The following NCAM2 variants were observed in gnomAD, a reference collection of about 807,000 sequenced individuals.
NCAM2 encodes the protein N-CAM-2.
NCAM2 carries 30 observed loss-of-function variants against 98.1 expected under a neutral mutation model. That is an observed-to-expected ratio of 0.31 (90% CI 0.23 to 0.41). NCAM2 has a LOEUF of 0.41. NCAM2 is among the 10% of genes least tolerant of loss of function. NCAM2 has a pLI of 1.00. For missense variants in NCAM2, 867 were observed against 1,005.8 expected (o/e 0.86, Z 1.87); for synonymous variants, 368 against 342.4 (o/e 1.07, Z -0.83).
chr21:21,316,451 GT>G (rs2074221639), intron 5 of NCAM2, among the ~76,000 whole-genome samples: 1 of 149,552 alleles, frequency 6.7e-6, no homozygotes, highest in African/African-American at 2.5e-5. Context: ...TTATTAAGAT[GT>G]TACAGTAAAA....
chr21:21,388,090 C>G (rs112189496), intron 9 of NCAM2, among the ~76,000 whole-genome samples: 2 of 152,134 alleles, frequency 1.3e-5, no homozygotes, highest in Non-Finnish European at 2.9e-5. Flanking sequence ...TATAACCAGG[C>G]TGAAGAGGCA....
intron 15 of NCAM2, among the ~76,000 whole-genome samples, chr21:21,480,316 G>A (rs1985739628): frequency 1.4e-5 from 2 of 143,414 alleles, no homozygotes; most frequent in African/African-American, 5.4e-5. Context: ...GCAGTGAGCC[G>A]AGATGGCGCC....
intron 1 of NCAM2, among the ~76,000 whole-genome samples, chr21:21,126,240 A>AAAAAG (rs2066820783): frequency 6.7e-6 from 1 of 150,048 alleles, no homozygotes; most frequent in South Asian, 2.1e-4. Context: ...GGAACATAAA[A>AAAAAG]AAAAAAAAAA....
chr21:21,172,629 C>T (rs1296609788), intron 1 of NCAM2, among the ~76,000 whole-genome samples: 5 of 152,238 alleles, frequency 3.3e-5, no homozygotes, highest in Non-Finnish European at 7.4e-5. Flanking sequence ...AAAAGTATTT[C>T]AGCCTTTAAC....
intron 1 of NCAM2, among the ~76,000 whole-genome samples, chr21:21,087,571 G>T (rs1054385926): frequency 1.3e-5 from 2 of 152,102 alleles, no homozygotes; most frequent in Non-Finnish European, 2.9e-5. Flanking sequence ...TCTGTAGCTT[G>T]CCCAAAACTC....
intron 9 of NCAM2, among the ~76,000 whole-genome samples, chr21:21,408,408 G>T (rs928738245): frequency 6.6e-6 from 1 of 151,974 alleles, no homozygotes; most frequent in African/African-American, 2.4e-5. Flanking sequence ...AAATAATAGT[G>T]CATTAAAAGT....
chr21:21,266,391 T>C (rs912234294), intron 1 of NCAM2, among the ~76,000 whole-genome samples: 1 of 152,082 alleles, frequency 6.6e-6, no homozygotes, highest in Non-Finnish European at 1.5e-5. Context: ...TCAGCAAAAA[T>C]TGCATTCTAA....
intron 8 of NCAM2, among the ~76,000 whole-genome samples, chr21:21,360,496 A>G (rs538319620): frequency 5.9e-5 from 9 of 152,150 alleles, no homozygotes; most frequent in Admixed American, 4.6e-4. Context: ...TGACAATAAT[A>G]TATCTACTTA....
intron 5 of NCAM2, among the ~76,000 whole-genome samples, chr21:21,302,019 G>A (rs9917502): frequency 0.73 from 100,557 of 138,034 alleles, 36,644 homozygotes; most frequent in South Asian, 0.81. Context: ...TGGTGGGACT[G>A]TAAACTAGTT....
chr21:21,353,270 TA>T (rs1200639785), intron 8 of NCAM2, among the ~76,000 whole-genome samples: 11 of 152,194 alleles, frequency 7.2e-5, no homozygotes, highest in African/African-American at 2.7e-4. Context: ...GAATACCATC[TA>T]AAAAATGACT....
intron 1 of NCAM2, among the ~76,000 whole-genome samples, chr21:21,268,646 G>A (rs2072380478): frequency 6.6e-6 from 1 of 152,108 alleles, no homozygotes; most frequent in South Asian, 2.1e-4. Context: ...CATTGTACAT[G>A]AGAATATATC....
intron 1 of NCAM2, among the ~76,000 whole-genome samples, chr21:21,171,963 A>G (rs1159700414): frequency 6.6e-6 from 1 of 152,154 alleles, no homozygotes; most frequent in Admixed American, 6.5e-5. Flanking sequence ...TATGTTTTAA[A>G]AAGCCTAATC....
intron 1 of NCAM2, among the ~76,000 whole-genome samples, chr21:21,156,307 T>C (rs944130742): frequency 7.2e-5 from 11 of 152,142 alleles, no homozygotes; most frequent in African/African-American, 2.6e-4. Flanking sequence ...AGGAGTAAAT[T>C]TATTTTGGAC....
intron 15 of NCAM2, among the ~76,000 whole-genome samples, chr21:21,481,009 A>G (rs569772484): frequency 1.3e-5 from 2 of 152,356 alleles, no homozygotes; most frequent in Non-Finnish European, 2.9e-5. Context: ...GCGTATGGAA[A>G]TGAGAAGATA....
At chr21:21,008,049 C>T (rs940189638) in intron 1 of NCAM2, among the ~76,000 whole-genome samples, 3 of 152,124 alleles carry the variant, frequency 2.0e-5, no homozygotes, top group South Asian at 2.1e-4. Context: ...TATGTTCTAG[C>T]AGTAACTTTG....
In NCAM2 at chr21:21,016,237, G is replaced by C. The variant is rs566616324; in HGVS notation, c.55+17619G>C. Among the ~76,000 whole-genome samples the C allele has an allele frequency of 6.6e-5, 10 of 152,234 alleles. No individual in the cohort carries two copies. The East Asian group carries it at 1.2e-3, about 18-fold the overall frequency. ...GTACATGACTGGCCAATCAAATGAC[G>C]TGTCCATCTTGCAAGGAAGAATGAA... On this transcript the variant is annotated intron_variant, in intron 1 of 17. Coordinates refer to ENST00000400546, the MANE Select transcript of NCAM2 (RefSeq NM_004540.5).
intron 6 of NCAM2, among the ~76,000 whole-genome samples, chr21:21,324,994 A>T (rs890428936): frequency 1.4e-5 from 1 of 69,042 alleles, no homozygotes; most frequent in Non-Finnish European, 3.7e-5. Context: ...AAATTACCTC[A>T]TCAAATGAAA....
At chr21:21,175,717 G>A (rs1216466762) in intron 1 of NCAM2, among the ~76,000 whole-genome samples, 1 of 152,142 alleles carries the variant, frequency 6.6e-6, no homozygotes, top group Middle Eastern at 3.2e-3. Flanking sequence ...TTAGCTGAGA[G>A]TACCTAGTGT....
At chr21:21,027,058 A>G (rs1183062190) in intron 1 of NCAM2, among the ~76,000 whole-genome samples, 1 of 151,896 alleles carries the variant, frequency 6.6e-6, no homozygotes, top group Admixed American at 6.6e-5. Flanking sequence ...TGGTGTCACC[A>G]TGTTGGCCAG....
Sources: allele counts gnomAD v4.1 joint callset (sites outside exome capture counted in the v4.1 genomes callset), GRCh38; gene constraint gnomAD v4.1.1; transcripts MANE v1.5; gene names NCBI Gene and HGNC (gene_info 2026-07-23, HGNC 2026-07-21).